Variants in GLS observed in about 807,000 individuals in gnomAD.
The protein encoded by GLS is glutaminase.
GLS carries 36 observed loss-of-function variants against 86.7 expected under a neutral mutation model. The observed-to-expected ratio is 0.42, with a 90% CI of 0.32 to 0.55. The LOEUF is 0.55. Among genes scored for constraint, GLS ranks in the 20% least tolerant of loss-of-function variants. GLS has a pLI of 0.17. For missense variants in GLS, 528 were observed against 833.4 expected (o/e 0.63, Z 4.51); for synonymous variants, 317 against 305.9 (o/e 1.04, Z -0.38).
intron 1 of GLS, among the ~76,000 whole-genome samples, chr2:190,887,921 A>C (rs1688441108): frequency 6.6e-6 from 1 of 152,224 alleles, no homozygotes; most frequent in Non-Finnish European, 1.5e-5. Flanking sequence ...GTTAGAATAC[A>C]GAATTTTCTA....
Position 190,962,780 on chromosome 2 carries a change from TTG to T in GLS, c.1854-48_1854-47del, listed in dbSNP as rs1691033818. On this transcript the variant is annotated intron_variant, in intron 17 of 17. Coordinates refer to ENST00000320717, the MANE Select transcript of GLS (RefSeq NM_014905.5). This position sits in a 1 kb window ranked among gnomAD's most constrained non-coding sequence, Gnocchi z 4.2. ...ATCTAGGAATGTGGGGTGATCATCT[TTG>T]TACATAAATTACCTAATGACCCTGT... The T allele has an allele frequency of 8.1e-7, 1 of 1,236,534 alleles. No individual in the cohort carries two copies. Among genetic ancestry groups the T allele is most frequent in the Non-Finnish European group, 1.1e-6 (1 of 936,192 alleles). 76.6% of individuals were successfully genotyped at this position (1,236,534 alleles called of 1,614,324 possible).
chr2:190,921,345 C>G lies in GLS; in HGVS notation c.1130+142C>G. 1.5e-6 allele frequency: 1 copy of G among 660,624 alleles called. No individual in the cohort carries two copies. The highest frequency in any genetic ancestry group is 1.8e-5 in the African/African-American group (1 of 55,076). 40.9% of individuals were successfully genotyped at this position (660,624 alleles called of 1,614,324 possible). ...TTAAAAATACTTTAAATAGTTTTGA[C>G]AAATTTCTTACAGGTAATCATACAA... On this transcript the variant is annotated intron_variant, in intron 9 of 17. Transcript: ENST00000320717. This position sits in a 1 kb window ranked among gnomAD's most constrained non-coding sequence, Gnocchi z 4.2.
chr2:190,881,406 G>A lies in GLS; in HGVS notation c.322G>A (p.Gly108Ser), dbSNP rs998248129. ...CCCGGCGGCGCCCGGCCCCAAGGAC[G>A]GCCCCGGGGAGACGGACGCGTTTGG... ...AAPAAPGPKDGPGETDAFGNS... is the reference protein window; with the variant it reads ...AAPAAPGPKDSPGETDAFGNS... Residue 108 changes from glycine (G) to serine (S), a missense_variant, in exon 1 of 18, where the codon GGC becomes AGC. Physicochemically the swap from Gly to Ser is moderately conservative, Grantham distance 56. This residue lies in a region of GLS where 224 missense variants were observed against 187.9 expected (regional missense o/e 1.19). Coordinates refer to ENST00000320717, the MANE Select transcript of GLS (RefSeq NM_014905.5). The A allele has an allele frequency of 6.5e-7, 1 of 1,542,962 alleles. No homozygotes were observed. Among genetic ancestry groups the A allele is most frequent in the Admixed American group, 2.0e-5 (1 of 50,714 alleles).
chr2:190,957,659 G>T (rs1274093876), intron 17 of GLS, among the ~76,000 whole-genome samples: 3 of 152,160 alleles, frequency 2.0e-5, no homozygotes, highest in African/African-American at 7.2e-5. Context: ...TGCATCTATT[G>T]AGATAATTGT....
intron 14 of GLS, among the ~76,000 whole-genome samples, chr2:190,942,661 A>T (rs1470261695): frequency 6.6e-6 from 1 of 152,342 alleles, no homozygotes; most frequent in South Asian, 2.1e-4. Flanking sequence ...ATTAACTAAG[A>T]TGGAGAACAC....
intron 1 of GLS, among the ~76,000 whole-genome samples, chr2:190,884,555 A>G (rs1184316464): frequency 6.6e-6 from 1 of 152,192 alleles, no homozygotes; most frequent in African/African-American, 2.4e-5. Context: ...TTTCTCTGTT[A>G]AGCTGGTTAT....
Position 190,895,496 on chromosome 2 carries a change from A to G in GLS, c.484-108A>G, listed in dbSNP as rs1574566859. The stretch of plus-strand genomic sequence containing the variant: ...ACACTAAGATGCCATATTCATGTTC[A>G]AGTGTTGGGTAGAAGTTTTTATATA... On this transcript the variant is annotated intron_variant, in intron 2 of 17. Transcript: ENST00000320717. This position sits in a 1 kb window ranked among gnomAD's most constrained non-coding sequence, Gnocchi z 4.2. The G allele has an allele frequency of 2.2e-5, 16 of 719,920 alleles. No homozygotes were observed. The East Asian group carries it at 4.2e-4, about 19-fold the overall frequency. 44.6% of individuals were successfully genotyped at this position (719,920 alleles called of 1,614,324 possible).
rs1020930068 is a variant in GLS at position 190,890,182 on chromosome 2, A to G, written c.387-4970A>G. 8.5e-5 allele frequency among the ~76,000 whole-genome samples: 13 copies of G among 152,104 alleles called. 1 individual carries two copies. Among genetic ancestry groups the G allele is most frequent in the Non-Finnish European group, 1.6e-4 (11 of 68,022 alleles). ...TTTTTTAAATTTAAAATTTAAATTA[A>G]CATTTTCTTTCTTTTTTTAGAAATG... On this transcript the variant is annotated intron_variant, in intron 1 of 17. Transcript: ENST00000320717.
At chr2:190,891,223 C>G (rs1426533160) in intron 1 of GLS, among the ~76,000 whole-genome samples, 1 of 152,050 alleles carries the variant, frequency 6.6e-6, no homozygotes, top group African/African-American at 2.4e-5. Flanking sequence ...ACACTTCTAC[C>G]ATAGTATTTG....
intron 11 of GLS, chr2:190,927,080 C>G (rs1689919102): frequency 2.3e-6 from 1 of 431,142 alleles, no homozygotes; most frequent in Non-Finnish European, 4.1e-6. Context: ...TAGTCTAGTT[C>G]TGCCATTAAA....
At position 190,913,590 on chromosome 2, in the gene GLS, G is replaced by T; in HGVS notation, c.1038+3269G>T. ...TTGAAAGGAACAGTTATTTTTATAT[G>T]ATGTAGCAGTATCCTTACGTATTTG... On this transcript the variant is annotated intron_variant, in intron 7 of 17. Coordinates refer to ENST00000320717, the MANE Select transcript of GLS (RefSeq NM_014905.5). This position sits in a 1 kb window ranked among gnomAD's most constrained non-coding sequence, Gnocchi z 6.1. The T allele has an allele frequency of 1.0e-6, 1 of 963,128 alleles. No individual in the cohort carries two copies. Among genetic ancestry groups the T allele is most frequent in the African/African-American group, 1.8e-5 (1 of 56,872 alleles). 59.7% of individuals were successfully genotyped at this position (963,128 alleles called of 1,614,324 possible).
chr2:190,946,037 G>A (rs1332925773), intron 14 of GLS, among the ~76,000 whole-genome samples: 1 of 152,064 alleles, frequency 6.6e-6, no homozygotes, highest in African/African-American at 2.4e-5. Context: ...GAAAGCTTAG[G>A]AATATGTGGC....
At chr2:190,948,463 A>G (rs951637864) in intron 14 of GLS, among the ~76,000 whole-genome samples, 1 of 152,226 alleles carries the variant, frequency 6.6e-6, no homozygotes, top group African/African-American at 2.4e-5. Flanking sequence ...TGAATAATGA[A>G]GTGACTAAGT....
intron 1 of GLS, among the ~76,000 whole-genome samples, chr2:190,885,536 G>A (rs985373248): frequency 4.6e-5 from 7 of 152,114 alleles, no homozygotes; most frequent in South Asian, 2.1e-4. Context: ...GAATTTCAGC[G>A]AACATTGAAT....
chr2:190,934,750 T>G, intron 14 of GLS: 2 of 973,834 alleles, frequency 2.1e-6, no homozygotes, highest in Non-Finnish European at 2.4e-6. Context: ...CACTTACTAT[T>G]TTTGTGTTGG....
intron 14 of GLS, among the ~76,000 whole-genome samples, chr2:190,948,601 A>G (rs937120372): frequency 6.6e-6 from 1 of 152,222 alleles, no homozygotes; most frequent in Non-Finnish European, 1.5e-5. Context: ...AGAAGTACCA[A>G]CATAGTTTTA....
At chr2:190,941,752 A>G (rs1690440077) in intron 14 of GLS, among the ~76,000 whole-genome samples, 1 of 152,188 alleles carries the variant, frequency 6.6e-6, no homozygotes, top group Non-Finnish European at 1.5e-5. Context: ...AATGCGCTGA[A>G]GAAGAGTGAG....
At chr2:190,929,528 G>T (rs1690030401) in intron 12 of GLS, among the ~76,000 whole-genome samples, 1 of 150,910 alleles carries the variant, frequency 6.6e-6, no homozygotes, top group Non-Finnish European at 1.5e-5. Flanking sequence ...GGAGTGCAGT[G>T]GTGCGATCTT....
At chr2:190,899,819 A>T (rs1356861489) in intron 3 of GLS, among the ~76,000 whole-genome samples, 4 of 152,120 alleles carry the variant, frequency 2.6e-5, no homozygotes, top group Non-Finnish European at 5.9e-5. Flanking sequence ...ATTTCAGAAT[A>T]TCATGCTCTC....
Sources: allele counts gnomAD v4.1 joint callset (sites outside exome capture counted in the v4.1 genomes callset), GRCh38; gene constraint gnomAD v4.1.1; regional missense constraint gnomAD v4.1.1; non-coding constraint Gnocchi (gnomAD v3.1); transcripts MANE v1.5; gene names NCBI Gene and HGNC (gene_info 2026-07-23, HGNC 2026-07-21).